Variants in ASTN1 observed in about 807,000 individuals in gnomAD.
The protein encoded by ASTN1 is astrotactin 1, also known as astrotactin-1.
ASTN1 carries 41 observed loss-of-function variants against 140.7 expected under a neutral mutation model. The ratio of observed to expected loss-of-function variants is 0.29; its 90% CI spans 0.23 to 0.38. ASTN1 has a LOEUF of 0.38. Ranked by LOEUF, ASTN1 falls within the 10% of genes least tolerant of loss-of-function variation. The probability of loss-of-function intolerance (pLI) is 1.00; values close to 1 mark genes in which losing one functional copy is unlikely to be tolerated. For missense variants in ASTN1, 1,479 were observed against 1,678.8 expected (o/e 0.88, Z 2.08); for synonymous variants, 640 against 652.2 (o/e 0.98, Z 0.29).
chr1:177,051,375 A>T (rs1235008483), intron 2 of ASTN1, among the ~76,000 whole-genome samples: 1 of 152,262 alleles, frequency 6.6e-6, no homozygotes, highest in East Asian at 1.9e-4. Context: ...TTTTGTAAAT[A>T]AAGTTTATTG....
At chr1:176,975,766 A>G (rs1673337305) in intron 8 of ASTN1, among the ~76,000 whole-genome samples, 1 of 152,332 alleles carries the variant, frequency 6.6e-6, no homozygotes, top group African/African-American at 2.4e-5. Context: ...TTCACCCAAC[A>G]TATGGGTAAA....
chr1:177,063,460 A>G (rs531623182), intron 1 of ASTN1, among the ~76,000 whole-genome samples: 11 of 152,202 alleles, frequency 7.2e-5, no homozygotes, highest in Admixed American at 6.5e-5. Flanking sequence ...GGCTTTCTAT[A>G]AGCATGGCCT....
intron 16 of ASTN1, among the ~76,000 whole-genome samples, chr1:176,909,212 G>A (rs779798321): frequency 1.3e-5 from 2 of 152,202 alleles, no homozygotes; most frequent in Admixed American, 6.5e-5. Flanking sequence ...CACAGTCCCC[G>A]ACAGCCTCAC....
At chr1:177,008,059 A>T (rs1675084855) in intron 8 of ASTN1, among the ~76,000 whole-genome samples, 1 of 152,208 alleles carries the variant, frequency 6.6e-6, no homozygotes, top group Admixed American at 6.5e-5. Flanking sequence ...CCTGAGAAGG[A>T]GGTGCAGAGT....
chr1:176,988,221 A>G (rs748187233), intron 8 of ASTN1, among the ~76,000 whole-genome samples: 12 of 151,020 alleles, frequency 7.9e-5, no homozygotes, highest in Non-Finnish European at 1.5e-4. Flanking sequence ...GGAGATGGGG[A>G]GGTCACCCAG....
chr1:177,155,805 T>C (rs915021591), intron 1 of ASTN1, among the ~76,000 whole-genome samples: 6 of 152,174 alleles, frequency 3.9e-5, no homozygotes, highest in Non-Finnish European at 8.8e-5. Context: ...TAGCTTAATA[T>C]AGACACATAT....
At chr1:177,147,188 T>A (rs1312446306) in intron 1 of ASTN1, among the ~76,000 whole-genome samples, 1 of 152,156 alleles carries the variant, frequency 6.6e-6, no homozygotes, top group Non-Finnish European at 1.5e-5. Context: ...AAAAGACAAC[T>A]GATTTCTTAA....
intron 17 of ASTN1, among the ~76,000 whole-genome samples, chr1:176,892,251 A>C (rs558192180): frequency 1.3e-5 from 2 of 152,290 alleles, no homozygotes; most frequent in African/African-American, 4.8e-5. Context: ...AAATTATCTG[A>C]AGTTCATATT....
At chr1:176,920,103 G>C (rs1457818561) in intron 16 of ASTN1, among the ~76,000 whole-genome samples, 1 of 152,206 alleles carries the variant, frequency 6.6e-6, no homozygotes, top group African/African-American at 2.4e-5. Context: ...GCTCTAAACT[G>C]AGGGCTTTTG....
chr1:176,869,138 T>G, intron 21 of ASTN1, 111 bp from the exon 22 acceptor site: 1 of 712,572 alleles, frequency 1.4e-6, no homozygotes, highest in Non-Finnish European at 2.0e-6. Flanking sequence ...TATAAACATA[T>G]GTAGATCATT....
chr1:177,060,616 T>C (rs1205058865), intron 2 of ASTN1, among the ~76,000 whole-genome samples: 1 of 152,146 alleles, frequency 6.6e-6, no homozygotes, highest in African/African-American at 2.4e-5. Flanking sequence ...GTTCAAGCAA[T>C]TCTCAGGTCT....
At chr1:176,913,355 T>C (rs1670333952) in intron 16 of ASTN1, among the ~76,000 whole-genome samples, 1 of 152,226 alleles carries the variant, frequency 6.6e-6, no homozygotes, top group Non-Finnish European at 1.5e-5. Context: ...CATTGGGTTG[T>C]TGGCTTTCTG....
chr1:176,912,209 C>T (rs368213218), intron 16 of ASTN1, among the ~76,000 whole-genome samples: 27 of 152,290 alleles, frequency 1.8e-4, no homozygotes, highest in East Asian at 9.6e-4. Context: ...TGGAAGTCAG[C>T]AAACTTTTTC....
chr1:177,126,375 G>T (rs1221467907), intron 1 of ASTN1, among the ~76,000 whole-genome samples: 1 of 152,134 alleles, frequency 6.6e-6, no homozygotes, highest in East Asian at 1.9e-4. Flanking sequence ...CATACACCAG[G>T]CTAACAAGCT....
At chr1:176,983,143 A>T (rs958155759) in intron 8 of ASTN1, among the ~76,000 whole-genome samples, 1 of 152,132 alleles carries the variant, frequency 6.6e-6, no homozygotes, top group African/African-American at 2.4e-5. Context: ...AATGTGTGAG[A>T]ACATGGTTTG....
intron 1 of ASTN1, among the ~76,000 whole-genome samples, chr1:177,105,351 C>T (rs74610629): frequency 2.6e-5 from 4 of 152,084 alleles, no homozygotes; most frequent in African/African-American, 9.7e-5. Flanking sequence ...GAGAACTTTG[C>T]CCAAAAGTGA....
chr1:176,934,628 T>A (rs1210017120), intron 15 of ASTN1, among the ~76,000 whole-genome samples: 1 of 151,634 alleles, frequency 6.6e-6, no homozygotes. Context: ...TTTTTTTTTT[T>A]AAATCACAGG....
At chr1:176,859,564 C>G (rs545276451), downstream of ASTN1, among the ~76,000 whole-genome samples, 26 of 152,304 alleles carry the variant, frequency 1.7e-4, no homozygotes, top group African/African-American at 5.8e-4. Context: ...GCAGGTGGAT[C>G]ACCTGAGGTC....
At chr1:177,024,483 G>A (rs1221687828) in intron 6 of ASTN1, 100 bp downstream of exon 6, 21 of 1,440,986 alleles carry the variant, frequency 1.5e-5, no homozygotes, top group Non-Finnish European at 1.9e-5. Context: ...CCCCGGTAGA[G>A]TAATAGGTAA....
Sources: gnomAD v4.1 joint callset for allele counts (sites outside exome capture counted in the v4.1 genomes callset) on GRCh38, gnomAD v4.1.1 for gene constraint, MANE v1.5 for transcripts, NCBI Gene and HGNC (gene_info 2026-07-23, HGNC 2026-07-21) for gene names.